Variants in SEMA4A observed in about 807,000 individuals in gnomAD.
SEMA4A encodes the protein semaphorin-4A.
In SEMA4A, 52 loss-of-function variants were observed where a neutral mutation model predicts 72.5. That is an observed-to-expected ratio of 0.72 (90% CI 0.57 to 0.90). The LOEUF (loss-of-function observed/expected upper bound fraction) is 0.90. SEMA4A is among the 40% of genes least tolerant of loss of function. The pLI is 0.00. For missense variants in SEMA4A, 926 were observed against 959.7 expected (o/e 0.96, Z 0.46); for synonymous variants, 369 against 393.1 (o/e 0.94, Z 0.73).
intron 10 of SEMA4A, among the ~76,000 whole-genome samples, 157 bp from the exon 11 acceptor site, chr1:156,172,669 C>T (rs558758658): frequency 4.6e-5 from 7 of 152,256 alleles, no homozygotes; most frequent in Non-Finnish European, 1.0e-4. Context: ...GAGGCTGGGA[C>T]GCACAATCAG....
chr1:156,154,425 G>T, intron 1 of SEMA4A, 125 bp from the exon 2 acceptor site: 1 of 830,130 alleles, frequency 1.2e-6, no homozygotes, highest in Non-Finnish European at 1.9e-6. Flanking sequence ...AACCTTCTCT[G>T]CCCCAATGCC....
intron 10 of SEMA4A, among the ~76,000 whole-genome samples, chr1:156,172,157 G>T (rs1204113419): frequency 6.7e-6 from 1 of 150,070 alleles, no homozygotes; most frequent in African/African-American, 2.5e-5. Context: ...TCTCTCTGTC[G>T]CCCAGGTTGG....
chr1:156,176,883 TG>T lies in SEMA4A; in HGVS notation c.2176del (p.Glu726ArgfsTer5), dbSNP rs780625314. Reference protein sequence around the residue: ...KVQGCETLRPGEKAPLSREQH... With the variant: ...KVQGCETLRPXEKAPLSREQH... ...TTCAGGGCTGTGAGACCCTGCGCCCTGGGGAGAAGGCCCCGTTAAGCAGAGA... is the reference window on the plus strand; with the variant it reads ...TTCAGGGCTGTGAGACCCTGCGCCCTGGGAGAAGGCCCCGTTAAGCAGAGA... On this transcript the variant is annotated frameshift_variant, in exon 15 of 15. Transcript: ENST00000368285. LOFTEE classifies it low-confidence loss of function (END_TRUNC). 6.2e-7 allele frequency: 1 copy of T among 1,614,116 alleles called. No individual in the cohort carries two copies.
At chr1:156,151,049 C>T (rs1305453592), upstream of SEMA4A, among the ~76,000 whole-genome samples, 1 of 152,168 alleles carries the variant, frequency 6.6e-6, no homozygotes, top group African/African-American at 2.4e-5. Flanking sequence ...TACTTCTGCT[C>T]CTTGGCCTTG....
chr1:156,164,623 A>G (rs1210294308), intron 10 of SEMA4A, among the ~76,000 whole-genome samples: 5 of 151,894 alleles, frequency 3.3e-5, no homozygotes, highest in Non-Finnish European at 7.4e-5. Flanking sequence ...CAATCTCCTA[A>G]CGTAGTTTTC....
upstream of SEMA4A, chr1:156,150,239 G>C (rs1652424850): frequency 6.6e-6 from 1 of 152,434 alleles, no homozygotes; most frequent in Non-Finnish European, 1.5e-5. Flanking sequence ...AGTCAGACTG[G>C]AGGAGGGGAC....
At chr1:156,173,997 G>C (rs1655062763) in intron 11 of SEMA4A, among the ~76,000 whole-genome samples, 1 of 152,144 alleles carries the variant, frequency 6.6e-6, no homozygotes, top group Admixed American at 6.5e-5. Flanking sequence ...TGTAATCCCA[G>C]CTACTCGGGA....
chr1:156,176,967 C>A lies in SEMA4A; in HGVS notation c.2256C>A (p.Asp752Glu). The A allele has an allele frequency of 1.2e-6, 2 of 1,612,428 alleles. No individual in the cohort carries two copies. Among genetic ancestry groups the A allele is most frequent in the South Asian group, 2.2e-5 (2 of 91,088 alleles). The change falls in exon 15 of 15, where the codon GAC becomes GAA. Residue 752 changes from aspartate to glutamate, a missense_variant. Physicochemically the swap from Asp to Glu is conservative, Grantham distance 45 (BLOSUM62 2). Transcript: ENST00000368285. The stretch of plus-strand genomic sequence containing the variant: ...CCTCTGCCAGTGATGTGGACGCTGA[C>A]AACAACTGCCTAGGCACTGAGGTAG... ...CRTSASDVDA[D>E]NNCLGTEVA
chr1:156,162,757 G>C (rs1458990858), intron 9 of SEMA4A, among the ~76,000 whole-genome samples, 187 bp from the exon 10 acceptor site: 1 of 152,262 alleles, frequency 6.6e-6, no homozygotes, highest in Non-Finnish European at 1.5e-5. Context: ...CCCTGGGCCA[G>C]AGTCAGGGAA....
At position 156,176,723 on chromosome 1, in the gene SEMA4A, G is replaced by A; in HGVS notation, c.2012G>A (p.Gly671Glu). 4 of 1,613,336 alleles carry A rather than the reference G, an allele frequency of 2.5e-6. No homozygotes were observed. The highest frequency in any genetic ancestry group is 3.4e-6 in the Non-Finnish European group (4 of 1,179,342). The change falls in exon 15 of 15, where the codon GGG (glycine) becomes GAG (glutamate). Residue 671 changes from glycine (G) to glutamate (E), a missense_variant. By Grantham distance (98) the Gly-to-Glu change is moderately conservative (BLOSUM62 -2). Coordinates refer to ENST00000368285, the MANE Select transcript of SEMA4A (RefSeq NM_022367.4). ...VKVPLTRVSG[G>E]AALAAQQSYW... ...GTCCCGTTGACCAGGGTCAGTGGTG[G>A]GGCCGCCCTGGCTGCCCAGCAGTCC...
chr1:156,159,290 C>T (rs1276773024), intron 6 of SEMA4A, among the ~76,000 whole-genome samples: 2 of 152,050 alleles, frequency 1.3e-5, no homozygotes, highest in Admixed American at 6.6e-5. Context: ...GCCAAGATCG[C>T]GCCACTGCAC....
At chr1:156,163,506 G>A (rs1462935114) in intron 10 of SEMA4A, among the ~76,000 whole-genome samples, 1 of 152,024 alleles carries the variant, frequency 6.6e-6, no homozygotes, top group Non-Finnish European at 1.5e-5. Flanking sequence ...TGGATCACTT[G>A]AGGTCAGGAG....
intron 11 of SEMA4A, among the ~76,000 whole-genome samples, chr1:156,174,004 G>A (rs1303810678): frequency 5.9e-5 from 9 of 152,060 alleles, no homozygotes; most frequent in Non-Finnish European, 7.4e-5. Flanking sequence ...CCAGCTACTC[G>A]GGAGGCTGAG....
chr1:156,171,058 A>G (rs542691043), intron 10 of SEMA4A, among the ~76,000 whole-genome samples: 34 of 152,338 alleles, frequency 2.2e-4, no homozygotes, highest in Non-Finnish European at 1.0e-4. Context: ...ATTTGTAAAA[A>G]TAAAAAACAA....
Position 156,177,257 on chromosome 1 carries a change from A to C in SEMA4A, c.*260A>C. ...CCCCCAGACCTGCTCCTACACTGAT[A>C]TTGAAGAACCTGGAGAGGATCCTTC... On this transcript the variant is annotated 3_prime_UTR_variant, in exon 15 of 15. Transcript: ENST00000368285. The C allele has an allele frequency of 1.8e-6, 1 of 558,460 alleles. No individual in the cohort carries two copies. The highest frequency in any genetic ancestry group is 3.2e-6 in the Non-Finnish European group (1 of 309,648). The allele number at this position is 558,460 out of a possible 1,614,324, so 34.6% of individuals were successfully genotyped here.
At chr1:156,175,533 T>C (rs889320606) in intron 13 of SEMA4A, 23 bp from the exon 14 acceptor site, 6 of 1,587,084 alleles carry the variant, frequency 3.8e-6, no homozygotes, top group Non-Finnish European at 5.2e-6. Flanking sequence ...GAAGGATAAT[T>C]TTTACTTTCT....
Position 156,161,422 on chromosome 1 carries a change from C to T in SEMA4A, c.887C>T (p.Pro296Leu). ...FLKAQLLCTQ[P>L]GQLPFNVIRH... ...AAGGCCCAGCTGCTCTGCACCCAGC[C>T]GGGGCAGCTGCCCTTCAACGTCATC... The change falls in exon 9 of 15, where the codon CCG (proline) becomes CTG (leucine). Residue 296 changes from proline (P) to leucine (L), a missense_variant. Transcript: ENST00000368285. The T allele has an allele frequency of 2.5e-6, 4 of 1,613,898 alleles. No homozygotes were observed. The highest frequency in any genetic ancestry group is 3.4e-6 in the Non-Finnish European group (4 of 1,179,938).
intron 10 of SEMA4A, 157 bp downstream of exon 10, chr1:156,163,251 C>T: frequency 1.3e-6 from 1 of 771,710 alleles, no homozygotes; most frequent in South Asian, 1.6e-5. Context: ...TGCCTATATT[C>T]CACATGTGCC....
chr1:156,175,520 T>C (rs1434778091), intron 13 of SEMA4A, 36 bp from the exon 14 acceptor site: 5 of 1,534,152 alleles, frequency 3.3e-6, no homozygotes, highest in Non-Finnish European at 4.5e-6. Flanking sequence ...TTTCAGCTCT[T>C]TTGAAGGATA....
Sources: gnomAD v4.1 joint callset for allele counts (sites outside exome capture counted in the v4.1 genomes callset) on GRCh38, gnomAD v4.1.1 for gene constraint, MANE v1.5 for transcripts, NCBI Gene and HGNC (gene_info 2026-07-23, HGNC 2026-07-21) for gene names.